Variants in CNOT8 observed in about 807,000 individuals in gnomAD.
The protein encoded by CNOT8 is CCR4-NOT transcription complex subunit 8, also known as CAF1-like protein.
A neutral mutation model predicts 34.6 loss-of-function variants in CNOT8; 18 were observed. The ratio of observed to expected loss-of-function variants is 0.52; its 90% CI spans 0.36 to 0.77. The LOEUF (loss-of-function observed/expected upper bound fraction) is 0.77. Ranked by LOEUF, CNOT8 falls within the 30% of genes least tolerant of loss-of-function variation. The pLI, the probability that CNOT8 is intolerant of heterozygous loss-of-function variation, is 0.00. For missense variants in CNOT8, 189 were observed against 347.9 expected, an observed-to-expected ratio of 0.54 and a Z score of 3.63; for synonymous variants, 101 against 118.8, an observed-to-expected ratio of 0.85 and a Z score of 0.98.
rs758582468 is a variant in CNOT8, at chr5:154,865,239, T to C, written c.165T>C (p.Arg55=). ...GVVVRPIGEF[R]SSIDYQYQLL... is the part of the protein sequence containing the mutation. ...TGGTGCGACCAATTGGTGAATTTCG[T>C]AGTTCCATAGATTACCAATATCAGC... Residue 55 remains arginine, a synonymous_variant, in exon 3 of 7, where the codon CGT becomes CGC. Transcript: ENST00000285896. 6.2e-7 allele frequency: 1 copy of C among 1,606,674 alleles called. No homozygotes were observed. Among genetic ancestry groups the C allele is most frequent in the Non-Finnish European group, 8.5e-7 (1 of 1,178,138 alleles).
intron 1 of CNOT8, among the ~76,000 whole-genome samples, chr5:154,860,765 T>C (rs989357693): frequency 6.6e-6 from 1 of 152,202 alleles, no homozygotes; most frequent in African/African-American, 2.4e-5. Flanking sequence ...CCACAGATCC[T>C]AGCTAACTTT....
chr5:154,871,764 A>G lies in CNOT8; in HGVS notation c.508A>G (p.Thr170Ala). The change falls in exon 5 of 7, where the codon ACA becomes GCA. Residue 170 changes from threonine (T) to alanine (A), a missense_variant. Thr to Ala is a moderately conservative substitution (Grantham distance 58). Coordinates refer to ENST00000285896, the MANE Select transcript of CNOT8 (RefSeq NM_001301073.2). ...TTTTGGCTATATGGTAAAGTTGCTT[A>G]CAGATTCTCGTTTGCCAGAAGAGGA... ...YDFGYMVKLL[T>A]DSRLPEEEHE... 1 of 1,614,028 alleles carries G rather than the reference A, an allele frequency of 6.2e-7. No homozygotes were observed. Among genetic ancestry groups the G allele is most frequent in the Non-Finnish European group, 8.5e-7 (1 of 1,179,916 alleles).
chr5:154,871,957 A>T, intron 5 of CNOT8, 83 bp downstream of exon 5: 1 of 1,260,350 alleles, frequency 7.9e-7, no homozygotes, highest in Non-Finnish European at 1.1e-6. Context: ...CGTGTTCAGC[A>T]TGCATTTTTG....
At chr5:154,875,156 A>G in intron 6 of CNOT8, 134 bp from the exon 7 acceptor site, 1 of 929,104 alleles carries the variant, frequency 1.1e-6, no homozygotes, top group Non-Finnish European at 1.6e-6. Flanking sequence ...ACCCCAAGTG[A>G]TCTGCCCGCC....
chr5:154,861,994 G>A (rs896167540), intron 1 of CNOT8, among the ~76,000 whole-genome samples: 14 of 152,114 alleles, frequency 9.2e-5, no homozygotes, highest in African/African-American at 2.9e-4. Flanking sequence ...CACCATGCCC[G>A]GCTTTTTTGT....
intron 1 of CNOT8, among the ~76,000 whole-genome samples, chr5:154,861,866 C>A (rs561006377): frequency 2.0e-4 from 30 of 152,192 alleles, no homozygotes; most frequent in African/African-American, 6.7e-4. Flanking sequence ...AGCCAGCCAA[C>A]GTTTTGTATT....
chr5:154,868,337 C>T (rs555181559), intron 3 of CNOT8, among the ~76,000 whole-genome samples: 5 of 144,200 alleles, frequency 3.5e-5, no homozygotes, highest in South Asian at 4.3e-4. Context: ...GGTGCAATCT[C>T]GGCTCACTGC....
intron 3 of CNOT8, among the ~76,000 whole-genome samples, chr5:154,869,963 T>C (rs1762312545): frequency 6.6e-6 from 1 of 152,220 alleles, no homozygotes; most frequent in African/African-American, 2.4e-5. Context: ...TTCACCATGT[T>C]GGCCAGGCTG....
rs1761531457 is a variant in CNOT8, at chr5:154,863,332, T to C, written c.54T>C (p.Ser18=). The change falls in exon 2 of 7, where the codon AGT becomes AGC. Residue 18 remains serine, a synonymous_variant. Coordinates refer to ENST00000285896, the MANE Select transcript of CNOT8 (RefSeq NM_001301073.2). ...NSQVICEVWA[S]NLEEEMRKIR... The stretch of plus-strand genomic sequence containing the variant: ...AGGTTATCTGTGAAGTGTGGGCCAG[T>C]AATCTAGAAGAAGAGATGAGGAAGA... 1 of 1,614,036 alleles carries C rather than the reference T, an allele frequency of 6.2e-7. No homozygotes were observed. Among genetic ancestry groups the C allele is most frequent in the African/African-American group, 1.3e-5 (1 of 74,922 alleles).
At chr5:154,871,559 CAA>C (rs372899952) in intron 4 of CNOT8, among the ~76,000 whole-genome samples, 169 bp from the exon 5 acceptor site, 22 of 55,422 alleles carry the variant, frequency 4.0e-4, no homozygotes, top group South Asian at 7.3e-4. Flanking sequence ...GACTCTGTCT[CAA>C]AAAAAAAAAA....
In CNOT8 at chr5:154,876,402, A is replaced by G. The variant is rs1260040073; in HGVS notation, c.*963A>G. ...GAGATGGATTAATGTGAGTAACAGG[A>G]ATGTGTCTTTAAAAAGCTAGAGTGG... On this transcript the variant is annotated 3_prime_UTR_variant, in exon 7 of 7. Transcript: ENST00000285896. 1 of 152,200 alleles carries G rather than the reference A, an allele frequency of 6.6e-6. No individual in the cohort carries two copies. The highest frequency in any genetic ancestry group is 1.5e-5 in the Non-Finnish European group (1 of 68,036). 9.4% of individuals were successfully genotyped at this position (152,200 alleles called of 1,614,324 possible). A position where few individuals can be genotyped will look rare whatever the true frequency, so the allele number is the denominator to read the frequency against.
At chr5:154,866,327 G>A (rs2560063) in intron 3 of CNOT8, among the ~76,000 whole-genome samples, 25,214 of 152,036 alleles carry the variant, frequency 0.17, 2,797 homozygotes, top group African/African-American at 0.31. Flanking sequence ...ATGCCCAGCT[G>A]ATTTTTTGTA....
At chr5:154,861,737 C>T (rs574943199) in intron 1 of CNOT8, among the ~76,000 whole-genome samples, 4 of 152,298 alleles carry the variant, frequency 2.6e-5, no homozygotes, top group African/African-American at 4.8e-5. Flanking sequence ...CTCGCTCTGT[C>T]GCCCAGGCTG....
At chr5:154,858,608 G>A (rs377252486), upstream of CNOT8, 3 of 152,376 alleles carry the variant, frequency 2.0e-5, no homozygotes, top group South Asian at 6.2e-4. Context: ...GGGCACGGGG[G>A]CGCTCACCTC....
chr5:154,875,494 A>T lies in CNOT8; in HGVS notation c.*55A>T. ...TCCCAGAGTGGTGCTTACTGTGCTG[A>T]CTGTGTACTTATCTTCCCCAAGAGA... On this transcript the variant is annotated 3_prime_UTR_variant, in exon 7 of 7. Coordinates refer to ENST00000285896, the MANE Select transcript of CNOT8 (RefSeq NM_001301073.2). 6.3e-7 allele frequency: 1 copy of T among 1,589,246 alleles called. No homozygotes were observed. The highest frequency in any genetic ancestry group is 2.2e-5 in the East Asian group (1 of 44,654).
intron 3 of CNOT8, among the ~76,000 whole-genome samples, chr5:154,866,618 C>G (rs573123359): frequency 6.6e-5 from 10 of 152,176 alleles, no homozygotes; most frequent in Middle Eastern, 3.4e-3. Flanking sequence ...ATAATGTTTA[C>G]TTGCAGCCGG....
intron 4 of CNOT8, 141 bp downstream of exon 4, chr5:154,870,963 A>G (rs1010170780): frequency 6.8e-6 from 5 of 735,254 alleles, no homozygotes; most frequent in African/African-American, 5.3e-5. Context: ...CTTGTTGCCC[A>G]TGTTTCAGTT....
At chr5:154,871,374 C>T (rs958956855) in intron 4 of CNOT8, among the ~76,000 whole-genome samples, 3 of 151,926 alleles carry the variant, frequency 2.0e-5, no homozygotes, top group South Asian at 2.1e-4. Context: ...GCCTGGCCAC[C>T]ATGGCAAAAC....
chr5:154,870,844 T>C, intron 4 of CNOT8, 22 bp downstream of exon 4: 3 of 1,584,774 alleles, frequency 1.9e-6, no homozygotes, highest in Non-Finnish European at 2.6e-6. Context: ...GGAATGTGTA[T>C]TTCTCTCTCA....
Sources: gnomAD v4.1 joint callset for allele counts (sites outside exome capture counted in the v4.1 genomes callset) on GRCh38, gnomAD v4.1.1 for gene constraint, MANE v1.5 for transcripts, NCBI Gene and HGNC (gene_info 2026-07-23, HGNC 2026-07-21) for gene names.